Variants in COL5A2 observed in about 807,000 individuals in gnomAD.
The protein encoded by COL5A2 is collagen alpha-2(V) chain.
A neutral mutation model predicts 208.2 loss-of-function variants in COL5A2; 23 were observed. The observed-to-expected ratio is 0.11, with a 90% confidence interval of 0.08 to 0.16. The LOEUF (loss-of-function observed/expected upper bound fraction) is 0.16, where lower values mean the gene tolerates loss of function less well. COL5A2 is among the 10% of genes least tolerant of loss of function. The probability of loss-of-function intolerance (pLI) is 1.00; values close to 1 mark genes in which losing one functional copy is unlikely to be tolerated. For synonymous variants in COL5A2, 625 were observed against 628.5 expected, an observed-to-expected ratio of 0.99 and a Z score of 0.08; for missense variants, 1,590 against 1,956.4, an observed-to-expected ratio of 0.81 and a Z score of 3.53.
the COL5A2 span, among the ~76,000 whole-genome samples, chr2:189,328,265 A>C: frequency 6.6e-6 from 1 of 152,330 alleles, no homozygotes; most frequent in South Asian, 2.1e-4. Context: ...AAACCACTTA[A>C]CCAAACCTTC....
upstream of COL5A2, among the ~76,000 whole-genome samples, chr2:189,227,034 A>G (rs1006657310): frequency 6.6e-6 from 1 of 152,168 alleles, no homozygotes; most frequent in African/African-American, 2.4e-5. Context: ...AAATCTACAC[A>G]TGCAAAGCCC....
At chr2:189,262,977 T>C in the COL5A2 span, among the ~76,000 whole-genome samples, 5 of 152,126 alleles carry the variant, frequency 3.3e-5, no homozygotes, top group Non-Finnish European at 7.4e-5. Flanking sequence ...TATTACATAT[T>C]AAAACTATTC....
chr2:189,072,179 T>C, intron 17 of COL5A2, 86 bp from the exon 18 acceptor site: 2 of 875,526 alleles, frequency 2.3e-6, no homozygotes, highest in South Asian at 1.5e-5. Flanking sequence ...CGTCATTTTG[T>C]ATTAGACACA....
At chr2:189,255,814 G>T in the COL5A2 span, among the ~76,000 whole-genome samples, 44 of 152,218 alleles carry the variant, frequency 2.9e-4, no homozygotes, top group African/African-American at 1.1e-3. Flanking sequence ...AAAATGGAAA[G>T]AACTAATCAT....
chr2:189,416,708 T>A, the COL5A2 span, among the ~76,000 whole-genome samples: 1 of 152,214 alleles, frequency 6.6e-6, no homozygotes, highest in Non-Finnish European at 1.5e-5. Context: ...ACTTAAAGTA[T>A]AACAATAATA....
intron 2 of COL5A2, among the ~76,000 whole-genome samples, chr2:189,108,148 TATA>T (rs2105707245): frequency 6.6e-6 from 1 of 151,884 alleles, no homozygotes; most frequent in South Asian, 2.1e-4. Flanking sequence ...TGTCAGAAGC[TATA>T]ATATTTACAA....
At chr2:189,037,085 G>A (rs151130437) in intron 51 of COL5A2, among the ~76,000 whole-genome samples, 9 of 152,198 alleles carry the variant, frequency 5.9e-5, no homozygotes, top group East Asian at 1.9e-4. Flanking sequence ...AAACCATACC[G>A]AAAAGAGAAA....
the COL5A2 span, among the ~76,000 whole-genome samples, chr2:189,407,015 T>C: frequency 3.8e-3 from 572 of 152,254 alleles, 3 homozygotes; most frequent in South Asian, 0.015. Context: ...TTCAAATATC[T>C]ATTTAACATG....
intron 1 of COL5A2, among the ~76,000 whole-genome samples, chr2:189,157,716 G>T (rs1208792554): frequency 6.6e-6 from 1 of 151,920 alleles, no homozygotes; most frequent in East Asian, 1.9e-4. Flanking sequence ...TGGTATTCTT[G>T]TTTGAAATAA....
intron 1 of COL5A2, among the ~76,000 whole-genome samples, chr2:189,157,179 A>C (rs1353741306): frequency 2.1e-5 from 2 of 96,474 alleles, no homozygotes; most frequent in Non-Finnish European, 3.9e-5. Flanking sequence ...ATATCTATAT[A>C]TATAGCTTAG....
chr2:189,104,048 T>C (rs534618243), intron 3 of COL5A2, among the ~76,000 whole-genome samples: 2 of 151,980 alleles, frequency 1.3e-5, no homozygotes, highest in South Asian at 4.2e-4. Flanking sequence ...CAGAAACAGA[T>C]ATACAAACAG....
At chr2:189,337,474 G>A in the COL5A2 span, among the ~76,000 whole-genome samples, 102 of 152,168 alleles carry the variant, frequency 6.7e-4, no homozygotes, top group South Asian at 9.3e-3. Flanking sequence ...GAGCCACCGC[G>A]CCCGGCCGAC....
At chr2:189,199,301 A>G (rs774467100) in intron 1 of COL5A2, among the ~76,000 whole-genome samples, 3 of 152,210 alleles carry the variant, frequency 2.0e-5, no homozygotes, top group Non-Finnish European at 4.4e-5. Context: ...AAAGCACATG[A>G]CTATTGCCAA....
the COL5A2 span, among the ~76,000 whole-genome samples, chr2:189,382,547 T>C: frequency 6.6e-6 from 1 of 152,346 alleles, no homozygotes; most frequent in East Asian, 1.9e-4. Context: ...ATAAGTCATA[T>C]AGAAAAAAGT....
At chr2:189,078,199 C>A (rs780658960) in intron 16 of COL5A2, among the ~76,000 whole-genome samples, 1 of 151,954 alleles carries the variant, frequency 6.6e-6, no homozygotes, top group Non-Finnish European at 1.5e-5. Flanking sequence ...ATTAGTATAT[C>A]CAAGTTTGTG....
At chr2:189,361,678 T>C in the COL5A2 span, among the ~76,000 whole-genome samples, 1 of 151,608 alleles carries the variant, frequency 6.6e-6, no homozygotes, top group Non-Finnish European at 1.5e-5. Flanking sequence ...GTTTTATAGA[T>C]TCTTTCTTTC....
At chr2:189,243,722 C>T in the COL5A2 span, among the ~76,000 whole-genome samples, 9 of 152,156 alleles carry the variant, frequency 5.9e-5, no homozygotes, top group Non-Finnish European at 1.0e-4. Flanking sequence ...TAACTCATTT[C>T]AGCATTAATT....
intron 1 of COL5A2, among the ~76,000 whole-genome samples, chr2:189,209,478 A>G (rs1045089017): frequency 6.6e-6 from 1 of 152,214 alleles, no homozygotes; most frequent in Non-Finnish European, 1.5e-5. Context: ...GAGGTACTAT[A>G]CTTATTTCCA....
At position 189,172,546 on chromosome 2, in the gene COL5A2, C is replaced by G. The variant is rs145329906; in HGVS notation, c.97+6962G>C. Reference sequence around the variant, plus strand: ...GGTGCATACTATTTCCTCAATATTTCAGATGAGGACACAAATTCCCAGTGA... The same window carrying G: ...GGTGCATACTATTTCCTCAATATTTGAGATGAGGACACAAATTCCCAGTGA... On this transcript the variant is annotated intron_variant, in intron 1 of 53. Transcript: ENST00000374866. Among the ~76,000 whole-genome samples, 210 of 152,288 alleles carry G rather than the reference C, an allele frequency of 1.4e-3. 1 individual carries two copies. The highest frequency in any genetic ancestry group is 4.7e-3 in the African/African-American group (195 of 41,556).
Sources: gnomAD v4.1 joint callset for allele counts (sites outside exome capture counted in the v4.1 genomes callset) on GRCh38, gnomAD v4.1.1 for gene constraint, MANE v1.5 for transcripts, NCBI Gene and HGNC (gene_info 2026-07-23, HGNC 2026-07-21) for gene names.